The following OXCT1 variants were observed in gnomAD, a reference collection of about 807,000 sequenced individuals.
The protein encoded by OXCT1 is 3-oxoacid CoA-transferase 1, also known as succinyl-CoA:3-ketoacid coenzyme A transferase 1, mitochondrial.
OXCT1 carries 27 observed loss-of-function variants against 69.6 expected under a neutral mutation model. The ratio of observed to expected loss-of-function variants is 0.39; its 90% CI spans 0.29 to 0.54. OXCT1 has a LOEUF of 0.54. OXCT1 is among the 20% of genes least tolerant of loss of function. The pLI is 0.72. For synonymous variants in OXCT1, 202 were observed against 217.8 expected (o/e 0.93, Z 0.64); for missense variants, 437 against 650.2 (o/e 0.67, Z 3.57).
intron 13 of OXCT1, among the ~76,000 whole-genome samples, chr5:41,773,141 A>G (rs1744957041): frequency 6.6e-6 from 1 of 152,208 alleles, no homozygotes; most frequent in East Asian, 1.9e-4. Flanking sequence ...AGATTCAAAG[A>G]GCATTAATTT....
intron 5 of OXCT1, among the ~76,000 whole-genome samples, chr5:41,848,029 C>T (rs1749005920): frequency 1.4e-5 from 2 of 147,874 alleles, no homozygotes; most frequent in African/African-American, 2.5e-5. Flanking sequence ...ATCTAGAAAA[C>T]CCCACTGTCT....
chr5:41,828,638 C>A (rs954660403), intron 7 of OXCT1, among the ~76,000 whole-genome samples: 1 of 152,144 alleles, frequency 6.6e-6, no homozygotes, highest in East Asian at 1.9e-4. Flanking sequence ...TTCATAGAAG[C>A]CCCAAAACCA....
chr5:41,742,658 G>T (rs556941616), intron 15 of OXCT1, among the ~76,000 whole-genome samples: 2 of 141,954 alleles, frequency 1.4e-5, no homozygotes, highest in South Asian at 4.8e-4. Flanking sequence ...ACAGGCCCCA[G>T]TGTGTGATGT....
chr5:41,840,352 G>T, intron 7 of OXCT1, 99 bp downstream of exon 7: 8 of 879,596 alleles, frequency 9.1e-6, no homozygotes, highest in Admixed American at 2.0e-5. Flanking sequence ...AGCTGTCATT[G>T]TTATCCATAA....
intron 7 of OXCT1, among the ~76,000 whole-genome samples, chr5:41,834,003 C>T (rs531973783): frequency 1.4e-4 from 21 of 149,700 alleles, no homozygotes; most frequent in Admixed American, 1.2e-3. Flanking sequence ...AGCAAAATTC[C>T]GTCTCAAAAA....
At chr5:41,828,156 G>T (rs759887790) in intron 7 of OXCT1, among the ~76,000 whole-genome samples, 12 of 152,080 alleles carry the variant, frequency 7.9e-5, no homozygotes, top group Non-Finnish European at 1.6e-4. Context: ...TGCCTAGGCT[G>T]GAGTGCACTG....
chr5:41,805,674 G>A lies in OXCT1; in HGVS notation c.848C>T (p.Ser283Leu). 1.3e-6 allele frequency: 2 copies of A among 1,591,900 alleles called. No homozygotes were observed. Among genetic ancestry groups the A allele is most frequent in the South Asian group, 2.2e-5 (2 of 90,624 alleles). ...TTCCCCATCTCCCTCTTTCCGGATTGATAAACGCTTTAAATTAAACAGAAA... is the reference window on the plus strand; with the variant it reads ...TTCCCCATCTCCCTCTTTCCGGATTAATAAACGCTTTAAATTAAACAGAAA... ...EKYEKRIERL[S>L]IRKEGDGEAK... The change falls in exon 9 of 17, where the codon TCA (serine) becomes TTA (leucine). Residue 283 changes from serine to leucine, a missense_variant. Transcript: ENST00000196371.
chr5:41,812,878 A>G lies in OXCT1; in HGVS notation c.733-5440T>C, dbSNP rs116425209. On this transcript the variant is annotated intron_variant, in intron 7 of 16. Coordinates refer to ENST00000196371, the MANE Select transcript of OXCT1 (RefSeq NM_000436.4). ...AAGAGCCTGAAGATACGATCACAGA[A>G]TTACAGTCAAGCGAAAAATGGTAGA... Among the ~76,000 whole-genome samples, 443 of 152,156 alleles carry G rather than the reference A, an allele frequency of 2.9e-3. 2 individuals are homozygous for G. The highest frequency in any genetic ancestry group is 0.01 in the African/African-American group (424 of 41,534).
At chr5:41,804,899 C>T (rs968163502) in intron 9 of OXCT1, among the ~76,000 whole-genome samples, 5 of 151,924 alleles carry the variant, frequency 3.3e-5, no homozygotes, top group South Asian at 2.1e-4. Context: ...TTATCATATG[C>T]GATCTGTATT....
chr5:41,781,679 C>T (rs570388495), intron 13 of OXCT1, among the ~76,000 whole-genome samples: 2 of 152,284 alleles, frequency 1.3e-5, no homozygotes, highest in South Asian at 4.1e-4. Context: ...TCGTTCAGCT[C>T]CCACTTACAA....
intron 11 of OXCT1, among the ~76,000 whole-genome samples, chr5:41,795,941 T>G (rs1417843987): frequency 6.6e-6 from 1 of 152,176 alleles, no homozygotes; most frequent in Admixed American, 6.5e-5. Context: ...AATTCCTTAA[T>G]TTCATTTGGC....
At chr5:41,780,153 G>GA (rs1452158446) in intron 13 of OXCT1, among the ~76,000 whole-genome samples, 2 of 152,088 alleles carry the variant, frequency 1.3e-5, no homozygotes, top group East Asian at 3.8e-4. Context: ...GAATGAATTT[G>GA]AAAATCCAAA....
intron 16 of OXCT1, among the ~76,000 whole-genome samples, chr5:41,738,731 T>C (rs1743012771): frequency 6.6e-6 from 1 of 152,236 alleles, no homozygotes; most frequent in South Asian, 2.1e-4. Flanking sequence ...GATTGATTTA[T>C]GAATAAGCAC....
intron 1 of OXCT1, among the ~76,000 whole-genome samples, chr5:41,868,773 T>C (rs371243200): frequency 2.1e-4 from 31 of 151,174 alleles, no homozygotes; most frequent in East Asian, 9.8e-4. Flanking sequence ...AGGGGAATAG[T>C]GGAAGGCAGG....
chr5:41,831,902 A>G (rs1419882902), intron 7 of OXCT1, among the ~76,000 whole-genome samples: 2 of 152,224 alleles, frequency 1.3e-5, no homozygotes, highest in Non-Finnish European at 2.9e-5. Flanking sequence ...CAGAAACACT[A>G]CATGTCTGCT....
intron 8 of OXCT1, among the ~76,000 whole-genome samples, chr5:41,806,919 C>T (rs765606159): frequency 6.6e-6 from 1 of 152,052 alleles, no homozygotes; most frequent in African/African-American, 2.4e-5. Flanking sequence ...TGACATTCTA[C>T]ACTCTAGAAA....
intron 7 of OXCT1, among the ~76,000 whole-genome samples, chr5:41,817,136 G>A (rs1454830880): frequency 6.6e-6 from 1 of 152,038 alleles, no homozygotes; most frequent in Non-Finnish European, 1.5e-5. Flanking sequence ...AGGAATGGTT[G>A]ATAAAGAACA....
chr5:41,785,749 C>T (rs1579732243), intron 13 of OXCT1, among the ~76,000 whole-genome samples: 2 of 152,172 alleles, frequency 1.3e-5, no homozygotes, highest in African/African-American at 4.8e-5. Context: ...TTGGGACCCT[C>T]AGCAGGCTGA....
At chr5:41,831,585 A>G (rs1247957229) in intron 7 of OXCT1, among the ~76,000 whole-genome samples, 1 of 152,200 alleles carries the variant, frequency 6.6e-6, no homozygotes, top group Admixed American at 6.5e-5. Context: ...TCCAGAACCT[A>G]TAAAAATACC....
Sources: gnomAD v4.1 joint callset for allele counts (sites outside exome capture counted in the v4.1 genomes callset) on GRCh38, gnomAD v4.1.1 for gene constraint, MANE v1.5 for transcripts, NCBI Gene and HGNC (gene_info 2026-07-23, HGNC 2026-07-21) for gene names.